Variants in ANO7 observed in about 807,000 individuals in gnomAD.
The protein encoded by ANO7 is anoctamin 7.
A neutral mutation model predicts 115.8 loss-of-function variants in ANO7; 114 were observed. The ratio of observed to expected loss-of-function variants is 0.98; its 90% CI spans 0.85 to 1.15. The LOEUF (loss-of-function observed/expected upper bound fraction) is 1.15. Among genes scored for constraint, ANO7 ranks in the 50% most tolerant of loss-of-function variants. The pLI is 0.00. For synonymous variants in ANO7, 550 were observed against 498.2 expected, an observed-to-expected ratio of 1.10 and a Z score of -1.38; for missense variants, 1,302 against 1,201.2, an observed-to-expected ratio of 1.08 and a Z score of -1.24.
intron 18 of ANO7, among the ~76,000 whole-genome samples, chr2:241,215,162 G>T (rs899798080): frequency 5.2e-5 from 8 of 152,384 alleles, no homozygotes; most frequent in African/African-American, 1.7e-4. Context: ...TTTGGCTGGG[G>T]AGGGGGTCTG....
chr2:241,236,343 C>T, the ANO7 span: 6 of 500,562 alleles, frequency 1.2e-5, no homozygotes, highest in African/African-American at 1.9e-5. Flanking sequence ...TCCACAGCCC[C>T]CGCACCCACC....
chr2:241,224,237 C>T lies in ANO7; in HGVS notation c.*84C>T, dbSNP rs1179065951. ...AGCGTCCTTTTCCTCTTCCCTCAGG[C>T]AGCGGCTGTGTGAACCGCTGGCTGC... is the stretch of plus-strand genomic sequence containing the variant. On this transcript the variant is annotated 3_prime_UTR_variant, in exon 25 of 25. Transcript: ENST00000674324. 2.7e-6 allele frequency: 4 copies of T among 1,493,200 alleles called. No individual in the cohort carries two copies. The African/African-American group carries it at 4.1e-5, about 15-fold the overall frequency. 92.5% of individuals were successfully genotyped at this position (1,493,200 alleles called of 1,614,324 possible).
At chr2:241,194,512 G>T (rs2068277663) in intron 3 of ANO7, among the ~76,000 whole-genome samples, 1 of 151,694 alleles carries the variant, frequency 6.6e-6, no homozygotes, top group Admixed American at 6.6e-5. Context: ...TAGATATGGG[G>T]TTTCACCGTG....
In ANO7 at chr2:241,212,473, G is replaced by C; in HGVS notation, c.1674-99G>C. The stretch of plus-strand genomic sequence containing the variant: ...TACGCCACAGTTCGTGCTTCCTCCA[G>C]GGCAGGTGCAGCAGCTCTGCTGAGG... On this transcript the variant is annotated intron_variant, in intron 16 of 24. Coordinates refer to ENST00000674324, the MANE Select transcript of ANO7 (RefSeq NM_001370694.2). The C allele has an allele frequency of 3.8e-6, 5 of 1,323,308 alleles. No individual in the cohort carries two copies. The South Asian group carries it at 6.3e-5, about 17-fold the overall frequency. The allele number at this position is 1,323,308 out of a possible 1,614,324, so 82.0% of individuals were successfully genotyped here. A position where few individuals can be genotyped will look rare whatever the true frequency, so the allele number is the denominator to read the frequency against.
chr2:241,210,221 G>A (rs1388008775), intron 13 of ANO7, 74 bp from the exon 14 acceptor site: 23 of 1,443,028 alleles, frequency 1.6e-5, no homozygotes, highest in South Asian at 2.3e-5. Context: ...AAGAGCTGTC[G>A]GGGGCCATGG....
chr2:241,214,955 G>A (rs1194194536), intron 18 of ANO7, 53 bp downstream of exon 18: 10 of 1,529,590 alleles, frequency 6.5e-6, no homozygotes, highest in Non-Finnish European at 8.0e-6. Context: ...GGACCCCAGA[G>A]CACCTGGCAG....
chr2:241,223,251 G>A lies in ANO7; in HGVS notation c.2387G>A (p.Arg796His), dbSNP rs748448180. The A allele has an allele frequency of 7.4e-6, 12 of 1,614,086 alleles. No individual in the cohort carries two copies. Among genetic ancestry groups the A allele is most frequent in the South Asian group, 2.2e-5 (2 of 91,094 alleles). Residue 796 changes from arginine to histidine, a missense_variant, in exon 22 of 25, where the codon CGC becomes CAC. Physicochemically the swap from Arg to His is conservative, Grantham distance 29 (BLOSUM62 0). Transcript: ENST00000674324. ...ACCTACTGGAATCTTCTTGCCATCCGCCTGGCCTTCGTCATTGTGTTTGAG... is the reference window on the plus strand; with the variant it reads ...ACCTACTGGAATCTTCTTGCCATCCACCTGGCCTTCGTCATTGTGTTTGAG... ...SQTYWNLLAI[R>H]LAFVIVFEHV...
intron 24 of ANO7, 34 bp downstream of exon 24, chr2:241,223,989 G>A: frequency 1.9e-6 from 3 of 1,613,846 alleles, no homozygotes; most frequent in Non-Finnish European, 2.5e-6. Context: ...CCTGCCCCGT[G>A]CACTCCCTGA....
intron 9 of ANO7, 110 bp from the exon 10 acceptor site, chr2:241,204,755 C>A: frequency 1.3e-6 from 1 of 758,286 alleles, no homozygotes; most frequent in Non-Finnish European, 2.2e-6. Flanking sequence ...CCCCAGCCCC[C>A]AAGCTGGGCT....
chr2:241,197,148 G>A (rs2149131767), intron 4 of ANO7, among the ~76,000 whole-genome samples: 1 of 152,278 alleles, frequency 6.6e-6, no homozygotes, highest in East Asian at 1.9e-4. Context: ...TGCCCAGGCT[G>A]GAGTGCAATG....
At chr2:241,210,428 G>A (rs370838703) in intron 14 of ANO7, 35 bp downstream of exon 14, 6 of 1,613,218 alleles carry the variant, frequency 3.7e-6, no homozygotes, top group Non-Finnish European at 5.1e-6. Context: ...GGGGCCCTGA[G>A]CGGCCCCTCA....
rs182334626 is a variant in ANO7 at position 241,192,217 on chromosome 2, C to T, written c.166+966C>T. Among the ~76,000 whole-genome samples, 446 of 152,268 alleles carry T rather than the reference C, an allele frequency of 2.9e-3. 5 individuals carry two copies. Among genetic ancestry groups the T allele is most frequent in the African/African-American group, 0.01 (421 of 41,560 alleles). On this transcript the variant is annotated intron_variant, in intron 3 of 24. Coordinates refer to ENST00000674324, the MANE Select transcript of ANO7 (RefSeq NM_001370694.2). The stretch of plus-strand genomic sequence containing the variant: ...GCACATGCCTGTAATTCCAGCTACT[C>T]GGGAGGCTGAGGCAGGAGAATCGCT...
chr2:241,192,964 G>C (rs1481709831), intron 3 of ANO7, among the ~76,000 whole-genome samples: 2 of 151,972 alleles, frequency 1.3e-5, no homozygotes, highest in East Asian at 3.9e-4. Flanking sequence ...CAGTGGAGAT[G>C]GATGGTGGTC....
In ANO7 at chr2:241,191,884, G is replaced by C. The variant is rs144670058; in HGVS notation, c.166+633G>C. Among the ~76,000 whole-genome samples the C allele has an allele frequency of 7.9e-3, 1,198 of 152,356 alleles. 3 individuals are homozygous for C. Among genetic ancestry groups the C allele is most frequent in the Non-Finnish European group, 0.012 (824 of 68,036 alleles). On this transcript the variant is annotated intron_variant, in intron 3 of 24. Transcript: ENST00000674324. ...TGCTAAGGAAAACAGCAGTTCCTCA[G>C]AGAATTCAGCACAGAGTTCCCGTAA...
chr2:241,199,514 C>A, intron 5 of ANO7, 91 bp downstream of exon 5: 1 of 1,335,688 alleles, frequency 7.5e-7, no homozygotes, highest in Non-Finnish European at 1.1e-6. Flanking sequence ...CTCAGGAGGG[C>A]TCCCTGCTCA....
downstream of ANO7, chr2:241,229,982 G>A (rs201451730): frequency 4.0e-4 from 633 of 1,585,586 alleles, 1 homozygote; most frequent in African/African-American, 7.7e-3. Flanking sequence ...AAGACAGGAA[G>A]ACAGGGTCAG....
At chr2:241,231,383 CA>C in the ANO7 span, 25,632 of 104,568 alleles carry the variant, frequency 0.25, 2,427 homozygotes, top group African/African-American at 0.32. Flanking sequence ...AACTCCATCT[CA>C]AAAAAAAAAA....
In ANO7 at chr2:241,225,510, G is replaced by GC; in HGVS notation, c.*1358dup. 1 of 152,302 alleles carries GC rather than the reference G, an allele frequency of 6.6e-6. No individual in the cohort carries two copies. The highest frequency in any genetic ancestry group is 2.1e-4 in the South Asian group (1 of 4,814). 9.4% of individuals were successfully genotyped at this position (152,302 alleles called of 1,614,324 possible). Reference sequence around the variant, plus strand: ...ACTGCACTACAGCCTGGGCGACAGAGCAAGACTCCGTCTCGGGAACACACA... The same window carrying GC: ...ACTGCACTACAGCCTGGGCGACAGAGCCAAGACTCCGTCTCGGGAACACACA... On this transcript the variant is annotated 3_prime_UTR_variant, in exon 25 of 25. Coordinates refer to ENST00000674324, the MANE Select transcript of ANO7 (RefSeq NM_001370694.2).
At chr2:241,227,407 T>C (rs562101573), downstream of ANO7, 5 of 152,676 alleles carry the variant, frequency 3.3e-5, no homozygotes, top group South Asian at 8.3e-4. Context: ...AAGGGATGGA[T>C]TGTAGCTATG....
Sources: allele counts gnomAD v4.1 joint callset (sites outside exome capture counted in the v4.1 genomes callset), GRCh38; gene constraint gnomAD v4.1.1; transcripts MANE v1.5; gene names NCBI Gene and HGNC (gene_info 2026-07-23, HGNC 2026-07-21).